DOK4: variants seen among roughly 807,000 people sequenced by gnomAD.
DOK4 encodes the protein docking protein 4.
A neutral mutation model predicts 40.1 loss-of-function variants in DOK4; 26 were observed. The observed-to-expected ratio is 0.65, with a 90% CI of 0.48 to 0.90. The LOEUF is 0.90. DOK4 is among the 40% of genes least tolerant of loss of function. The probability of loss-of-function intolerance (pLI) is 0.00; values close to 1 mark genes in which losing one functional copy is unlikely to be tolerated. For missense variants in DOK4, 392 were observed against 437.2 expected (o/e 0.90, Z 0.92); for synonymous variants, 179 against 177.0 (o/e 1.01, Z -0.09).
At chr16:57,473,794 C>T in intron 7 of DOK4, 58 bp from the exon 8 acceptor site, 1 of 1,586,868 alleles carries the variant, frequency 6.3e-7, no homozygotes, top group Non-Finnish European at 8.6e-7. Context: ...CCTGAGCAGC[C>T]ACCCCAAGAC....
chr16:57,476,146 A>G, intron 2 of DOK4, 189 bp from the exon 3 acceptor site: 1 of 586,170 alleles, frequency 1.7e-6, no homozygotes, highest in Admixed American at 3.0e-5. Context: ...CTCCTCCCCA[A>G]ATTGAAAAGT....
rs538324868 is a variant in DOK4, at chr16:57,473,744, G to C, written c.739-8C>G. 11 of 1,606,466 alleles carry C rather than the reference G, an allele frequency of 6.8e-6. No homozygotes were observed. In the African/African-American group the frequency reaches 1.3e-4, roughly 19 times the overall value. On this transcript the variant is annotated splice_polypyrimidine_tract_variant and splice_region_variant and intron_variant, in intron 7 of 8. Transcript: ENST00000340099. ...CGTGCCCTTGTTCAGCAGCTGTGGG[G>C]CAAAGGAAGGGGTCACTCCCATTAG... is the stretch of plus-strand genomic sequence containing the variant.
rs542992411 is a variant in DOK4 at position 57,479,191 on chromosome 16, C to T, written c.66+251G>A. 6.6e-6 allele frequency among the ~76,000 whole-genome samples: 1 copy of T among 152,382 alleles called. No homozygotes were observed. Among genetic ancestry groups the T allele is most frequent in the South Asian group, 2.1e-4 (1 of 4,832 alleles). ...TGCCCATCGGTGGCCACCATTGCTGCCACTACCACCACCACTGGCCCAGCT... is the reference window on the plus strand; with the variant it reads ...TGCCCATCGGTGGCCACCATTGCTGTCACTACCACCACCACTGGCCCAGCT... On this transcript the variant is annotated intron_variant, in intron 2 of 8. Transcript: ENST00000340099. The surrounding 1 kb of genome is among the most constrained non-coding windows in gnomAD (Gnocchi z 5.8).
At chr16:57,475,511 T>A in exon 4 of DOK4, 1 of 1,603,726 alleles carries the variant, frequency 6.2e-7, no homozygotes, top group South Asian at 1.1e-5. Context: ...CTCACCTGAG[T>A]CGCAGGTGAA....
At chr16:57,478,231 C>T (rs2031269440) in intron 2 of DOK4, among the ~76,000 whole-genome samples, 1 of 152,216 alleles carries the variant, frequency 6.6e-6, no homozygotes, top group African/African-American at 2.4e-5. Flanking sequence ...CCAGTCTCAA[C>T]TAGGTTGAGC....
chr16:57,474,729 C>G, intron 6 of DOK4, 64 bp downstream of exon 6: 1 of 1,577,778 alleles, frequency 6.3e-7, no homozygotes, highest in Non-Finnish European at 8.6e-7. Flanking sequence ...GTGCCCAACA[C>G]AGAGTGAATG....
chr16:57,473,470 G>A (rs1259119730), exon 9 of DOK4: 2 of 1,614,064 alleles, frequency 1.2e-6, no homozygotes, highest in African/African-American at 2.7e-5. Flanking sequence ...TTTCCGAGCT[G>A]GCCTGGGCTG....
At chr16:57,486,722 C>A (rs143648326), upstream of DOK4, among the ~76,000 whole-genome samples, 1 of 151,988 alleles carries the variant, frequency 6.6e-6, no homozygotes, top group Non-Finnish European at 1.5e-5. Flanking sequence ...AAGCTGAACT[C>A]CACATCAGCT....
chr16:57,474,624 C>CT (rs1469645092), intron 6 of DOK4, 169 bp downstream of exon 6: 2 of 877,958 alleles, frequency 2.3e-6, no homozygotes, highest in Non-Finnish European at 3.4e-6. Context: ...AGTTACTCCT[C>CT]TAAGCCTCCA....
At chr16:57,473,106 T>C in exon 9 of DOK4, 2 of 435,052 alleles carry the variant, frequency 4.6e-6, no homozygotes, top group East Asian at 7.5e-5. Flanking sequence ...GGTGAGGGGA[T>C]CTCATTGATA....
intron 1 of DOK4, among the ~76,000 whole-genome samples, chr16:57,480,689 T>C (rs1320052189): frequency 1.3e-5 from 2 of 150,680 alleles, no homozygotes; most frequent in Non-Finnish European, 3.0e-5. Flanking sequence ...CAAGGGGAGG[T>C]AGATATGGAG....
intron 4 of DOK4, 24 bp downstream of exon 4, chr16:57,475,482 T>C: frequency 1.9e-6 from 3 of 1,575,090 alleles, no homozygotes; most frequent in East Asian, 2.3e-5. Flanking sequence ...GGGAGGCAGA[T>C]GGAGGCCCAT....
chr16:57,473,550 C>T, intron 8 of DOK4, 55 bp from the exon 9 acceptor site: 1 of 1,614,212 alleles, frequency 6.2e-7, no homozygotes, highest in Non-Finnish European at 8.5e-7. Context: ...GACCCCTGCC[C>T]AATAGGCCTC....
At chr16:57,483,552 C>T (rs577885977) in intron 1 of DOK4, among the ~76,000 whole-genome samples, 26 of 152,278 alleles carry the variant, frequency 1.7e-4, no homozygotes, top group African/African-American at 5.8e-4. Flanking sequence ...ATCACTTGAG[C>T]TCAGGAATTC....
At chr16:57,474,079 C>T (rs75862393) in intron 6 of DOK4, 40 bp from the exon 7 acceptor site, 87,101 of 1,610,296 alleles carry the variant, frequency 0.054, 2,625 homozygotes, top group Non-Finnish European at 0.063. Context: ...TGGGGACCCA[C>T]CACAGACATG....
In DOK4 at chr16:57,473,555, G is replaced by C. The variant is rs1321411007; in HGVS notation, c.862+58C>G. The C allele has an allele frequency of 2.5e-6, 4 of 1,614,076 alleles. No individual in the cohort carries two copies. The African/African-American group carries it at 5.3e-5, about 22-fold the overall frequency. ...TAGGTCAAAAGACCCCTGCCCAATA[G>C]GCCTCATCCTCCACAAAGCCTCCTG... On this transcript the variant is annotated intron_variant, in intron 8 of 8. Coordinates refer to ENST00000340099, the Ensembl canonical transcript of DOK4.
At chr16:57,477,728 T>C (rs1598052951) in intron 2 of DOK4, among the ~76,000 whole-genome samples, 1 of 152,192 alleles carries the variant, frequency 6.6e-6, no homozygotes, top group East Asian at 1.9e-4. Context: ...AGAAAGGCCC[T>C]GGCAGGTAGG....
At chr16:57,475,322 A>C (rs1416298830) in intron 4 of DOK4, 103 bp from the exon 5 acceptor site, 1 of 1,540,120 alleles carries the variant, frequency 6.5e-7, no homozygotes, top group Non-Finnish European at 8.8e-7. Context: ...GGGTAAGGAC[A>C]GTGGGTTCTG....
At chr16:57,472,878 C>T (rs955136153) in exon 9 of DOK4, 14 of 157,870 alleles carry the variant, frequency 8.9e-5, no homozygotes, top group Non-Finnish European at 1.4e-4. Context: ...CTGTTCCGGC[C>T]CTTGGGCTGT....
Sources: gnomAD v4.1 joint callset for allele counts (sites outside exome capture counted in the v4.1 genomes callset) on GRCh38, gnomAD v4.1.1 for gene constraint, Gnocchi (gnomAD v3.1) non-coding constraint, MANE v1.5 for transcripts, NCBI Gene and HGNC (gene_info 2026-07-23, HGNC 2026-07-21) for gene names.